ZMYND8: variants seen among roughly 807,000 people sequenced by gnomAD.
ZMYND8 encodes zinc finger MYND-type containing 8.
A neutral mutation model predicts 140.8 loss-of-function variants in ZMYND8; 37 were observed. That is an observed-to-expected ratio of 0.26 (90% confidence interval 0.20 to 0.35). The LOEUF is 0.35. Among genes scored for constraint, ZMYND8 ranks in the 10% least tolerant of loss-of-function variants. The probability of loss-of-function intolerance (pLI) is 1.00; values close to 1 mark genes in which losing one functional copy is unlikely to be tolerated. For synonymous variants in ZMYND8, 592 were observed against 597.1 expected (o/e 0.99, Z 0.12); for missense variants, 1,068 against 1,570.0 (o/e 0.68, Z 5.40).
chr20:47,255,722 GTATATATATATATATA>G (rs369654557), intron 12 of ZMYND8, among the ~76,000 whole-genome samples: 1,747 of 77,760 alleles, frequency 0.022, 83 homozygotes, highest in African/African-American at 0.061. Flanking sequence ...GTGTATGTGT[GTATATATATATATATA>G]TATATATATA....
intron 8 of ZMYND8, among the ~76,000 whole-genome samples, chr20:47,286,332 C>G (rs537310532): frequency 6.8e-4 from 104 of 152,154 alleles, no homozygotes; most frequent in African/African-American, 2.3e-3. Context: ...GCATGTTCCA[C>G]CATACCCAGC....
chr20:47,347,268 A>G (rs534636415), intron 2 of ZMYND8, among the ~76,000 whole-genome samples: 1 of 152,342 alleles, frequency 6.6e-6, no homozygotes, highest in African/African-American at 2.4e-5. Flanking sequence ...ACAAAGACCA[A>G]ATGAAAAGTA....
chr20:47,232,695 T>C (rs940364692), intron 16 of ZMYND8, among the ~76,000 whole-genome samples: 10 of 152,080 alleles, frequency 6.6e-5, no homozygotes, highest in African/African-American at 2.4e-4. Context: ...TGGGACTAAA[T>C]CAAGGGAAGG....
At chr20:47,255,165 A>T (rs892838541) in intron 12 of ZMYND8, among the ~76,000 whole-genome samples, 2 of 152,108 alleles carry the variant, frequency 1.3e-5, no homozygotes, top group Non-Finnish European at 2.9e-5. Context: ...ACACTGCCAA[A>T]TGTCACCTGG....
chr20:47,221,523 G>T (rs1205383062), intron 19 of ZMYND8, 49 bp from the exon 20 acceptor site: 2 of 1,588,810 alleles, frequency 1.3e-6, no homozygotes, highest in East Asian at 4.5e-5. Flanking sequence ...AGAGTACGAT[G>T]ATTTTGAAAC....
At chr20:47,280,165 T>C (rs2076520544) in intron 10 of ZMYND8, among the ~76,000 whole-genome samples, 2 of 147,434 alleles carry the variant, frequency 1.4e-5, no homozygotes, top group African/African-American at 5.0e-5. Flanking sequence ...AGAGACTCCC[T>C]GCCCAAAGCC....
intron 3 of ZMYND8, among the ~76,000 whole-genome samples, chr20:47,307,899 C>T (rs1034789734): frequency 6.6e-6 from 1 of 151,916 alleles, no homozygotes; most frequent in African/African-American, 2.4e-5. Flanking sequence ...ACAGGTGGAT[C>T]ACAAGGTCAG....
chr20:47,214,783 C>A lies in ZMYND8; in HGVS notation c.3485-2058G>T, dbSNP rs201899475. 1.2e-4 allele frequency among the ~76,000 whole-genome samples: 19 copies of A among 152,324 alleles called. No homozygotes were observed. In the East Asian group the frequency reaches 2.9e-3, roughly 23 times the overall value. ...GTGTTGGGATTATAGGCATGAGCCA[C>A]CACGCCTGACCTAAATGCGGGGCTA... On this transcript the variant is annotated intron_variant, in intron 21 of 22. Transcript: ENST00000471951.
At position 47,239,037 on chromosome 20, in the gene ZMYND8, T is replaced by C; in HGVS notation, c.2386A>G (p.Thr796Ala). Reference protein sequence around the residue: ...SSAQTSAAGATATTSTSSTVT... With the variant: ...SSAQTSAAGAAATTSTSSTVT... Reference sequence around the variant, plus strand: ...GTGGAGGACGTGCTGGTGGTGGCTGTGGCGCCAGCCGCGGAAGTTTGGGCG... The same window carrying C: ...GTGGAGGACGTGCTGGTGGTGGCTGCGGCGCCAGCCGCGGAAGTTTGGGCG... The change falls in exon 15 of 23, where the codon ACA (threonine) becomes GCA (alanine). Residue 796 changes from threonine to alanine, a missense_variant. Thr to Ala is a moderately conservative substitution (Grantham distance 58). This residue lies in a region of ZMYND8 where 383 missense variants were observed against 431.2 expected (regional missense o/e 0.89). Transcript: ENST00000471951. 2.5e-6 allele frequency: 4 copies of C among 1,585,284 alleles called. No homozygotes were observed. Among genetic ancestry groups the C allele is most frequent in the Non-Finnish European group, 3.4e-6 (4 of 1,162,896 alleles).
At chr20:47,313,131 G>A (rs956198012) in intron 2 of ZMYND8, among the ~76,000 whole-genome samples, 1 of 151,100 alleles carries the variant, frequency 6.6e-6, no homozygotes, top group Non-Finnish European at 1.5e-5. Context: ...TTGAGAGGCC[G>A]AGGGGGAAGG....
chr20:47,218,233 T>G (rs1398860911), intron 21 of ZMYND8, among the ~76,000 whole-genome samples: 1 of 152,200 alleles, frequency 6.6e-6, no homozygotes, highest in African/African-American at 2.4e-5. Context: ...ACCCTCCTGA[T>G]GCCAACAGAC....
At chr20:47,302,552 A>C (rs1358292358) in intron 3 of ZMYND8, among the ~76,000 whole-genome samples, 3 of 152,174 alleles carry the variant, frequency 2.0e-5, no homozygotes, top group South Asian at 4.1e-4. Context: ...ATAAAAAAAA[A>C]CACTTCTGGT....
At chr20:47,350,670 T>C (rs562755570) in intron 1 of ZMYND8, among the ~76,000 whole-genome samples, 1 of 152,208 alleles carries the variant, frequency 6.6e-6, no homozygotes, top group Non-Finnish European at 1.5e-5. Flanking sequence ...CAGCTGCATC[T>C]GGAGAAAATA....
chr20:47,350,933 T>C (rs1323436194), intron 1 of ZMYND8, among the ~76,000 whole-genome samples: 1 of 152,176 alleles, frequency 6.6e-6, no homozygotes, highest in Non-Finnish European at 1.5e-5. Context: ...CACCATCAAC[T>C]AGTTAGATAC....
At chr20:47,338,155 G>A (rs1462354882) in intron 2 of ZMYND8, among the ~76,000 whole-genome samples, 8 of 152,114 alleles carry the variant, frequency 5.3e-5, no homozygotes, top group Admixed American at 3.3e-4. Flanking sequence ...TGGGGACAGC[G>A]TTGGTGGGTC....
At chr20:47,333,222 CA>C in intron 2 of ZMYND8, among the ~76,000 whole-genome samples, 1 of 152,130 alleles carries the variant, frequency 6.6e-6, no homozygotes. Flanking sequence ...GATAAAAAAA[CA>C]CAAATGCATT....
Position 47,276,716 on chromosome 20 carries a change from T to C in ZMYND8, c.1078A>G (p.Asn360Asp). Residue 360 changes from asparagine (N) to aspartate (D), a missense_variant, in exon 11 of 23, where the codon AAC becomes GAC. Coordinates refer to ENST00000471951, the MANE Select transcript of ZMYND8 (RefSeq NM_001281775.3). ...FSVKKTKSIFNSAMQEMEVYV... is the reference protein window; with the variant it reads ...FSVKKTKSIFDSAMQEMEVYV... ...ACCTCCATCTCTTGCATGGCACTGT[T>C]GAAGATGCTCTTAGTCTTTTTCACA... 6.2e-7 allele frequency: 1 copy of C among 1,614,058 alleles called. No individual in the cohort carries two copies. The highest frequency in any genetic ancestry group is 1.1e-5 in the South Asian group (1 of 91,080).
intron 3 of ZMYND8, among the ~76,000 whole-genome samples, chr20:47,307,645 T>C (rs964319965): frequency 1.3e-5 from 2 of 151,982 alleles, no homozygotes; most frequent in African/African-American, 4.8e-5. Flanking sequence ...CTGGCCAGCA[T>C]GGTGAAACCC....
intron 2 of ZMYND8, among the ~76,000 whole-genome samples, chr20:47,330,335 A>T (rs990442279): frequency 1.3e-5 from 2 of 150,510 alleles, no homozygotes; most frequent in Non-Finnish European, 3.0e-5. Flanking sequence ...GTCTGCAGAG[A>T]CAAGCCACCA....
Sources: allele counts gnomAD v4.1 joint callset (sites outside exome capture counted in the v4.1 genomes callset), GRCh38; gene constraint gnomAD v4.1.1; regional missense constraint gnomAD v4.1.1; transcripts MANE v1.5; gene names NCBI Gene and HGNC (gene_info 2026-07-23, HGNC 2026-07-21).